PCDHA4: variants seen among roughly 807,000 people sequenced by gnomAD.
PCDHA4 encodes protocadherin alpha 4.
A neutral mutation model predicts 61.4 loss-of-function variants in PCDHA4; 49 were observed. That is an observed-to-expected ratio of 0.80 (90% CI 0.63 to 1.01). The LOEUF is 1.01. Among genes scored for constraint, PCDHA4 ranks in the 50% least tolerant of loss-of-function variants. The pLI is 0.00. For missense variants in PCDHA4, 1,254 were observed against 1,235.8 expected (o/e 1.01, Z -0.22); for synonymous variants, 590 against 550.3 (o/e 1.07, Z -1.01).
intron 1 of PCDHA4, among the ~76,000 whole-genome samples, chr5:140,846,400 A>T (rs1581110513): frequency 9.9e-6 from 1 of 101,082 alleles, no homozygotes; most frequent in Non-Finnish European, 1.8e-5. Flanking sequence ...TTTGAGACGG[A>T]GTCTCGCTCT....
chr5:140,888,003 A>G (rs1187660261), intron 1 of PCDHA4, among the ~76,000 whole-genome samples: 1 of 152,112 alleles, frequency 6.6e-6, no homozygotes, highest in African/African-American at 2.4e-5. Context: ...CCGAATAGTC[A>G]TCTTTTTATC....
rs1310560301 is a variant in PCDHA4, at chr5:140,838,419, C to T, written c.2385+28847C>T. On this transcript the variant is annotated intron_variant, in intron 1 of 3. Transcript: ENST00000530339. ...GATTACAGGAGTGAGCCACCGCATC[C>T]GGCCTAAATTATATATTGGGTTTTG... is the stretch of plus-strand genomic sequence containing the variant. Among the ~76,000 whole-genome samples, 7 of 151,450 alleles carry T rather than the reference C, an allele frequency of 4.6e-5. 1 individual carries two copies. The highest frequency in any genetic ancestry group is 2.1e-4 in the South Asian group (1 of 4,794).
At chr5:140,850,499 G>C (rs2150486529) in intron 1 of PCDHA4, 2 of 1,598,056 alleles carry the variant, frequency 1.3e-6, no homozygotes, top group East Asian at 2.2e-5. Flanking sequence ...TGCTGGTGTC[G>C]CTGGTGGAGA....
At chr5:140,875,894 C>T in intron 1 of PCDHA4, 1 of 1,614,170 alleles carries the variant, frequency 6.2e-7, no homozygotes, top group Non-Finnish European at 8.5e-7. Context: ...CAAAAGGTAC[C>T]TGTTTCTGAA....
chr5:140,876,953 T>G (rs1455444799), intron 1 of PCDHA4: 6 of 1,613,306 alleles, frequency 3.7e-6, no homozygotes, highest in African/African-American at 1.3e-5. Flanking sequence ...TCCTACTCGC[T>G]GGTGGAGCGG....
chr5:140,927,811 G>A, intron 1 of PCDHA4: 1 of 1,614,186 alleles, frequency 6.2e-7, no homozygotes, highest in Non-Finnish European at 8.5e-7. Context: ...AACGCTCTTG[G>A]AGGCATACAT....
chr5:140,863,595 A>T (rs976338326), intron 1 of PCDHA4: 15 of 357,408 alleles, frequency 4.2e-5, no homozygotes, highest in Admixed American at 3.4e-4. Flanking sequence ...AAAGTATTTC[A>T]TTCCTATTAA....
chr5:140,992,584 T>C (rs1327367703), intron 3 of PCDHA4, among the ~76,000 whole-genome samples: 1 of 152,194 alleles, frequency 6.6e-6, no homozygotes, highest in Non-Finnish European at 1.5e-5. Context: ...CTGCCTTGTA[T>C]GCATCTAGCG....
At position 140,850,115 on chromosome 5, in the gene PCDHA4, G is replaced by T. The variant is rs2150468444; in HGVS notation, c.2385+40543G>T. 1.3e-5 allele frequency: 21 copies of T among 1,595,978 alleles called. 2 individuals are homozygous for T. The highest frequency in any genetic ancestry group is 2.2e-5 in the South Asian group (2 of 90,490). ...AGTTCCAGGTGAGCGCGCGCGACGC[G>T]GGCGTGCCGCCTCTGGGCAGCAACG... On this transcript the variant is annotated intron_variant, in intron 1 of 3. Coordinates refer to ENST00000530339, the MANE Select transcript of PCDHA4 (RefSeq NM_018907.4).
chr5:140,999,678 G>A (rs1204037119), intron 3 of PCDHA4, among the ~76,000 whole-genome samples: 2 of 152,112 alleles, frequency 1.3e-5, no homozygotes, highest in East Asian at 1.9e-4. Context: ...GGGGCTCACA[G>A]AAAGAAGAAA....
intron 1 of PCDHA4, chr5:140,829,603 G>A: frequency 6.2e-7 from 1 of 1,612,072 alleles, no homozygotes; most frequent in Non-Finnish European, 8.5e-7. Context: ...AGCGCGCGTT[G>A]TCGAGCTACA....
intron 2 of PCDHA4, among the ~76,000 whole-genome samples, chr5:140,980,357 C>T (rs191882864): frequency 1.6e-3 from 239 of 152,238 alleles, no homozygotes; most frequent in Middle Eastern, 6.8e-3. Flanking sequence ...CTGGACTGGG[C>T]GCGGTGGCTC....
At chr5:140,869,765 A>G in intron 1 of PCDHA4, 1 of 1,613,282 alleles carries the variant, frequency 6.2e-7, no homozygotes, top group Non-Finnish European at 8.5e-7. Context: ...GGAAAACCAG[A>G]GCTTACTGGC....
At chr5:141,006,328 C>CA (rs1258327155) in intron 3 of PCDHA4, among the ~76,000 whole-genome samples, 12 of 152,060 alleles carry the variant, frequency 7.9e-5, no homozygotes, top group Non-Finnish European at 1.6e-4. Flanking sequence ...TCTCCTGCCT[C>CA]AGCCTCCTGA....
At position 140,829,905 on chromosome 5, in the gene PCDHA4, C is replaced by T; in HGVS notation, c.2385+20333C>T. ...GTTGACGCCGACTCAGGCTACAACG[C>T]GTGGCTTTCGTATGAGCTGCAGCCC... On this transcript the variant is annotated intron_variant, in intron 1 of 3. Transcript: ENST00000530339. The T allele has an allele frequency of 6.2e-7, 1 of 1,613,982 alleles. No individual in the cohort carries two copies. Among genetic ancestry groups the T allele is most frequent in the East Asian group, 2.2e-5 (1 of 44,882 alleles).
chr5:140,882,323 C>G, intron 1 of PCDHA4: 1 of 1,614,216 alleles, frequency 6.2e-7, no homozygotes, highest in African/African-American at 1.3e-5. Context: ...GCTCTGGCTT[C>G]TGATCCTCGC....
chr5:140,978,894 C>G, intron 1 of PCDHA4, 55 bp from the exon 2 acceptor site: 1 of 1,612,598 alleles, frequency 6.2e-7, no homozygotes, highest in South Asian at 1.1e-5. Flanking sequence ...AGCAGCATTC[C>G]TGGGAGAACA....
At chr5:140,981,111 T>C (rs1275828842) in intron 2 of PCDHA4, among the ~76,000 whole-genome samples, 3 of 152,232 alleles carry the variant, frequency 2.0e-5, no homozygotes, top group African/African-American at 2.4e-5. Context: ...GAATTTCTAC[T>C]GGATATGTTG....
intron 1 of PCDHA4, chr5:140,811,762 A>G (rs1293398991): frequency 2.0e-5 from 3 of 152,124 alleles, no homozygotes; most frequent in African/African-American, 7.2e-5. Context: ...GATGATGGGC[A>G]TTTTTTCATG....
Sources: allele counts gnomAD v4.1 joint callset (sites outside exome capture counted in the v4.1 genomes callset), GRCh38; gene constraint gnomAD v4.1.1; transcripts MANE v1.5; gene names NCBI Gene and HGNC (gene_info 2026-07-23, HGNC 2026-07-21).